The following PCSK7 variants were observed in gnomAD, a reference collection of about 807,000 sequenced individuals.
PCSK7 encodes lymphoma proprotein convertase.
Under a neutral mutation model 73.3 loss-of-function variants are expected in PCSK7, and 38 were observed. The observed-to-expected ratio is 0.52, with a 90% CI of 0.40 to 0.68. PCSK7 has a LOEUF of 0.68. PCSK7 is among the 30% of genes least tolerant of loss of function. PCSK7 has a pLI of 0.00. For synonymous variants in PCSK7, 296 were observed against 383.8 expected (o/e 0.77, Z 2.68); for missense variants, 692 against 991.5 (o/e 0.70, Z 4.06).
Position 117,218,608 on chromosome 11 carries a change from G to T in PCSK7, c.1432-40C>A. 9.2e-7 allele frequency: 1 copy of T among 1,089,550 alleles called. No individual in the cohort carries two copies. Among genetic ancestry groups the T allele is most frequent in the Non-Finnish European group, 1.4e-6 (1 of 723,652 alleles). 67.5% of individuals were successfully genotyped at this position (1,089,550 alleles called of 1,614,324 possible). On this transcript the variant is annotated intron_variant, in intron 11 of 16. Coordinates refer to ENST00000320934, the MANE Select transcript of PCSK7 (RefSeq NM_004716.4). The surrounding 1 kb of genome is among the most constrained non-coding windows in gnomAD (Gnocchi z 4.0). ...GAGGGGATGGCAAATCAACAAACAA[G>T]AATGATCACACCCACATTCTCACAA...
rs752295294 is a variant in PCSK7 at position 117,219,727 on chromosome 11, G to A, written c.1187C>T (p.Thr396Ile). The change falls in exon 10 of 17, where the codon ACT becomes ATT. Residue 396 changes from threonine (T) to isoleucine (I), a missense_variant. Coordinates refer to ENST00000320934, the MANE Select transcript of PCSK7 (RefSeq NM_004716.4). The part of the protein sequence containing the change: ...VTTDWDLQKG[T>I]GCTEGHTGTS... ...CCCTGTGTGGCCCTCAGTGCAGCCA[G>A]TGCCCTTCTGAAGGTCCCAGTCAGT... 1.9e-6 allele frequency: 3 copies of A among 1,593,454 alleles called. No homozygotes were observed. Among genetic ancestry groups the A allele is most frequent in the Non-Finnish European group, 2.6e-6 (3 of 1,171,086 alleles).
At chr11:117,228,094 A>AT in intron 4 of PCSK7, 122 bp downstream of exon 4, 1 of 921,782 alleles carries the variant, frequency 1.1e-6, no homozygotes, top group Non-Finnish European at 1.7e-6. Context: ...GATGAACCCC[A>AT]TCCCACCTCC....
chr11:117,222,056 A>T (rs769763544), intron 9 of PCSK7: 5 of 152,264 alleles, frequency 3.3e-5, no homozygotes, highest in Non-Finnish European at 5.9e-5. Context: ...CAGCAGGAAG[A>T]CAAAGCAGCC....
At position 117,211,442 on chromosome 11, in the gene PCSK7, T is replaced by A. The variant is rs1322736796; in HGVS notation, c.1535-2389A>T. Reference sequence around the variant, plus strand: ...ATTTTCTATAATTCCATCTGTCACCTCTTCAAAGCCAATGTCCCATTTCTT... The same window carrying A: ...ATTTTCTATAATTCCATCTGTCACCACTTCAAAGCCAATGTCCCATTTCTT... On this transcript the variant is annotated intron_variant, in intron 12 of 16. Coordinates refer to ENST00000320934, the MANE Select transcript of PCSK7 (RefSeq NM_004716.4). 6.6e-5 allele frequency: 10 copies of A among 152,342 alleles called. No homozygotes were observed. In the East Asian group the frequency reaches 1.9e-3, roughly 29 times the overall value. The allele number at this position is 152,342 out of a possible 1,614,324, so 9.4% of individuals were successfully genotyped here.
At chr11:117,226,779 T>G (rs753491170) in intron 5 of PCSK7, 1 of 186,338 alleles carries the variant, frequency 5.4e-6, no homozygotes, top group Non-Finnish European at 1.1e-5. Context: ...CAGGGAGGAA[T>G]AGGGCTGCTC....
Position 117,229,476 on chromosome 11 carries a change from C to T in PCSK7, c.369G>A (p.Gly123=). The T allele has an allele frequency of 6.2e-7, 1 of 1,611,762 alleles. No homozygotes were observed. The highest frequency in any genetic ancestry group is 1.1e-5 in the South Asian group (1 of 91,090). ...IRQQVEAVLA[G]HEAVRWHSEQ... Reference sequence around the variant, plus strand: ...CTGAGTGCCAGCGCACAGCTTCATGCCCAGCCAACACAGCCTCCACCTGCT... The same window carrying T: ...CTGAGTGCCAGCGCACAGCTTCATGTCCAGCCAACACAGCCTCCACCTGCT... The change falls in exon 3 of 17, where the codon GGG becomes GGA. Residue 123 remains glycine, a synonymous_variant. Coordinates refer to ENST00000320934, the MANE Select transcript of PCSK7 (RefSeq NM_004716.4).
Position 117,229,932 on chromosome 11 carries a change from C to T in PCSK7, c.-12-76G>A. On this transcript the variant is annotated intron_variant, in intron 2 of 16. Coordinates refer to ENST00000320934, the MANE Select transcript of PCSK7 (RefSeq NM_004716.4). ...AGGAATCTGAGAGGGAGATGCTGAGCCATCCATGTGTTCCCCCTGGAAGTC... is the reference window on the plus strand; with the variant it reads ...AGGAATCTGAGAGGGAGATGCTGAGTCATCCATGTGTTCCCCCTGGAAGTC... The T allele has an allele frequency of 3.6e-6, 3 of 837,100 alleles. No homozygotes were observed. The South Asian group carries it at 5.5e-5, about 15-fold the overall frequency. The allele number at this position is 837,100 out of a possible 1,614,324, so 51.9% of individuals were successfully genotyped here. A position where few individuals can be genotyped will look rare whatever the true frequency, so the allele number is the denominator to read the frequency against.
At chr11:117,208,645 C>G in intron 13 of PCSK7, 1 of 336,448 alleles carries the variant, frequency 3.0e-6, no homozygotes, top group Non-Finnish European at 5.1e-6. Flanking sequence ...CCACCACACC[C>G]AGCCAGTTTC....
At chr11:117,231,260 G>C (rs2032650675) in intron 1 of PCSK7, 1 of 152,194 alleles carries the variant, frequency 6.6e-6, no homozygotes, top group African/African-American at 2.4e-5. Context: ...TTACTGAAAG[G>C]CTTCCTGGAA....
chr11:117,227,158 T>C lies in PCSK7; in HGVS notation c.768A>G (p.Ala256=). Reference sequence around the variant, plus strand: ...GGCTAGGCTGGAGGCACAAGTTACCTGCGATGCGGCTCCCGTAGGCCACGC... The same window carrying C: ...GGCTAGGCTGGAGGCACAAGTTACCCGCGATGCGGCTCCCGTAGGCCACGC... ...AVGVAYGSRI[A]GIRVLDGPLT... The change falls in exon 5 of 17, where the codon GCA becomes GCG. Residue 256 remains alanine, a splice_region_variant and synonymous_variant. Transcript: ENST00000320934. 2 of 1,596,764 alleles carry C rather than the reference T, an allele frequency of 1.3e-6. No homozygotes were observed. The highest frequency in any genetic ancestry group is 1.7e-6 in the Non-Finnish European group (2 of 1,171,286).
At chr11:117,211,790 G>C (rs1001089159) in intron 12 of PCSK7, 1 of 152,202 alleles carries the variant, frequency 6.6e-6, no homozygotes, top group African/African-American at 2.4e-5. Context: ...AAGAGCATGG[G>C]CTCTGGAGCC....
At chr11:117,229,959 C>G in intron 2 of PCSK7, 103 bp from the exon 3 acceptor site, 2 of 657,504 alleles carry the variant, frequency 3.0e-6, no homozygotes, top group South Asian at 4.0e-5. Context: ...CTGGAAGTCC[C>G]TAAGCCATGC....
intron 6 of PCSK7, 187 bp downstream of exon 6, chr11:117,225,744 G>T (rs963374817): frequency 3.2e-6 from 2 of 615,758 alleles, no homozygotes; most frequent in South Asian, 1.9e-5. Context: ...TTACGGGGGT[G>T]ACGGGGGCTT....
chr11:117,214,655 G>C (rs2031886015), intron 12 of PCSK7: 1 of 152,258 alleles, frequency 6.6e-6, no homozygotes, highest in African/African-American at 2.4e-5. Flanking sequence ...GAGTAAGAAA[G>C]CAAGTCTTCT....
intron 12 of PCSK7, chr11:117,209,675 A>C (rs1469442143): frequency 6.5e-6 from 1 of 154,454 alleles, no homozygotes. Context: ...TGAGTGAAAA[A>C]AGCAATCTCA....
At chr11:117,209,905 T>G (rs1474331357) in intron 12 of PCSK7, 4 of 152,450 alleles carry the variant, frequency 2.6e-5, no homozygotes, top group Non-Finnish European at 4.4e-5. Flanking sequence ...TGATGTTAAT[T>G]GAAGTACCTG....
In PCSK7 at chr11:117,225,450, C is replaced by T. The variant is rs146871029; in HGVS notation, c.860+481G>A. On this transcript the variant is annotated intron_variant, in intron 6 of 16. Coordinates refer to ENST00000320934, the MANE Select transcript of PCSK7 (RefSeq NM_004716.4). ...GAGGAGTTCTCTATTCTGTCTCTAT[C>T]GGGAAGTGTACCCTGTGGATGATGT... 2.1e-3 allele frequency: 356 copies of T among 167,518 alleles called. 2 individuals carry two copies. The highest frequency in any genetic ancestry group is 0.016 in the East Asian group (99 of 6,258). 10.4% of individuals were successfully genotyped at this position (167,518 alleles called of 1,614,324 possible).
At chr11:117,210,473 C>A (rs1320593360) in intron 12 of PCSK7, 1 of 151,820 alleles carries the variant, frequency 6.6e-6, no homozygotes, top group African/African-American at 2.4e-5. Flanking sequence ...ATTCTCCTGC[C>A]TCAGCTTCCC....
intron 1 of PCSK7, among the ~76,000 whole-genome samples, chr11:117,231,379 C>CT (rs1565322612): frequency 6.6e-6 from 1 of 152,174 alleles, no homozygotes; most frequent in East Asian, 1.9e-4. Flanking sequence ...TCCCTCCCTG[C>CT]CCCCGGGAGC....
Sources: gnomAD v4.1 joint callset for allele counts (sites outside exome capture counted in the v4.1 genomes callset) on GRCh38, gnomAD v4.1.1 for gene constraint, Gnocchi (gnomAD v3.1) non-coding constraint, MANE v1.5 for transcripts, NCBI Gene and HGNC (gene_info 2026-07-23, HGNC 2026-07-21) for gene names.